The following GRTP1 variants were observed in gnomAD, a reference collection of about 807,000 sequenced individuals.
GRTP1 encodes the protein growth hormone regulated TBC protein 1.
Under a neutral mutation model 38.1 loss-of-function variants are expected in GRTP1, and 56 were observed. The ratio of observed to expected loss-of-function variants is 1.47; its 90% confidence interval spans 1.19 to 1.84. The LOEUF (loss-of-function observed/expected upper bound fraction) is 1.84, where lower values mean the gene tolerates loss of function less well. GRTP1 is among the 40% of genes most tolerant of loss of function. The pLI, the probability that GRTP1 is intolerant of heterozygous loss-of-function variation, is 0.00. For missense variants in GRTP1, 506 were observed against 453.9 expected (o/e 1.11, Z -1.04); for synonymous variants, 217 against 189.5 (o/e 1.14, Z -1.19).
At position 113,343,449 on chromosome 13, in the gene GRTP1, A is replaced by G. The variant is rs552492569; in HGVS notation, c.562+1414T>C. On this transcript the variant is annotated intron_variant, in intron 5 of 7. Transcript: ENST00000375431. This position sits in a 1 kb window ranked among gnomAD's most constrained non-coding sequence, Gnocchi z 4.8. ...CGTCAGGCTGGTCTCTGGCATCCTC[A>G]TTTCTGCGCCCTTGGGTTGAGGGTG... Among the ~76,000 whole-genome samples the G allele has an allele frequency of 6.6e-6, 1 of 152,072 alleles. No individual in the cohort carries two copies. The highest frequency in any genetic ancestry group is 6.5e-5 in the Admixed American group (1 of 15,284).
Position 113,348,466 on chromosome 13 carries a change from C to T in GRTP1, c.465+2383G>A, listed in dbSNP as rs570316089. ...ACCGTGTGCACTGTGTAACTCTACACATATGCCACACATTGAACTGTGTTG... is the reference window on the plus strand; with the variant it reads ...ACCGTGTGCACTGTGTAACTCTACATATATGCCACACATTGAACTGTGTTG... On this transcript the variant is annotated intron_variant, in intron 4 of 7. Transcript: ENST00000375431. The surrounding 1 kb of genome is among the most constrained non-coding windows in gnomAD (Gnocchi z 4.8). 4.6e-5 allele frequency among the ~76,000 whole-genome samples: 7 copies of T among 152,242 alleles called. No homozygotes were observed. Among genetic ancestry groups the T allele is most frequent in the Admixed American group, 4.6e-4 (7 of 15,294 alleles).
chr13:113,325,324 GAGTCT>G, intron 7 of GRTP1: 1 of 1,389,164 alleles, frequency 7.2e-7, no homozygotes, highest in South Asian at 1.8e-5. Context: ...ATCAGGACCT[GAGTCT>G]ATACGGCCTG....
At chr13:113,340,474 G>T (rs996278733) in intron 5 of GRTP1, among the ~76,000 whole-genome samples, 1 of 151,684 alleles carries the variant, frequency 6.6e-6, no homozygotes, top group African/African-American at 2.4e-5. Flanking sequence ...CTGAGACCCT[G>T]TCTCTAAAAA....
chr13:113,325,013 A>G (rs1421108469), intron 7 of GRTP1: 1 of 681,810 alleles, frequency 1.5e-6, no homozygotes, highest in Non-Finnish European at 1.8e-6. Context: ...ATTTTTTAGT[A>G]GAGACGGGGT....
rs148726821 is a variant in GRTP1, at chr13:113,326,705, AAG to A, written c.563-616_563-615del. ...AACAAACAAAAATCTGCAGGTGGAA[AAG>A]AGAGTCCCAAGGAGGTGCAGGCACC... On this transcript the variant is annotated intron_variant, in intron 5 of 7. Transcript: ENST00000375431. 4.6e-3 allele frequency among the ~76,000 whole-genome samples: 701 copies of A among 152,242 alleles called. 5 individuals are homozygous for A. Among genetic ancestry groups the A allele is most frequent in the Non-Finnish European group, 7.8e-3 (533 of 68,000 alleles).
chr13:113,333,847 G>A (rs1283054230), intron 5 of GRTP1, among the ~76,000 whole-genome samples: 105 of 117,238 alleles, frequency 9.0e-4, no homozygotes, highest in African/African-American at 3.3e-3. Flanking sequence ...TAGTGTGTGT[G>A]TGTGTGTGTG....
chr13:113,359,330 A>C (rs9549750), intron 2 of GRTP1, among the ~76,000 whole-genome samples: 21,068 of 152,268 alleles, frequency 0.14, 1,626 homozygotes, highest in African/African-American at 0.18. Context: ...TATACTGTTA[A>C]GAGTGAATTT....
intron 2 of GRTP1, among the ~76,000 whole-genome samples, chr13:113,361,109 C>CAA (rs57785391): frequency 1.4e-4 from 13 of 92,926 alleles, no homozygotes; most frequent in African/African-American, 4.5e-4. Flanking sequence ...GACTTTGACT[C>CAA]AAAAAAAAAA....
At chr13:113,327,588 A>G (rs542774685) in intron 5 of GRTP1, among the ~76,000 whole-genome samples, 1 of 152,240 alleles carries the variant, frequency 6.6e-6, no homozygotes, top group Non-Finnish European at 1.5e-5. Context: ...AGTCGGTTTA[A>G]TAGTAAATAC....
At chr13:113,328,305 C>T (rs987368778) in intron 5 of GRTP1, among the ~76,000 whole-genome samples, 1 of 152,220 alleles carries the variant, frequency 6.6e-6, no homozygotes, top group South Asian at 2.1e-4. Context: ...CCCCTGCACA[C>T]CCCTCAGGGT....
chr13:113,341,754 C>T (rs2043029132), intron 5 of GRTP1, among the ~76,000 whole-genome samples: 2 of 152,164 alleles, frequency 1.3e-5, no homozygotes, highest in South Asian at 4.1e-4. Context: ...CTGATGATAA[C>T]AGTTACCTCT....
In GRTP1 at chr13:113,343,356, C is replaced by T. The variant is rs2043052127; in HGVS notation, c.562+1507G>A. Among the ~76,000 whole-genome samples, 1 of 152,150 alleles carries T rather than the reference C, an allele frequency of 6.6e-6. No individual in the cohort carries two copies. Among genetic ancestry groups the T allele is most frequent in the Non-Finnish European group, 1.5e-5 (1 of 68,028 alleles). ...CTGCTGCTGCACTGGGTCCCTGGGC[C>T]CCAGCCGGGTCAACAGCTCTTCCCA... is the stretch of plus-strand genomic sequence containing the variant. On this transcript the variant is annotated intron_variant, in intron 5 of 7. Coordinates refer to ENST00000375431, the MANE Select transcript of GRTP1 (RefSeq NM_024719.4). This position sits in a 1 kb window ranked among gnomAD's most constrained non-coding sequence, Gnocchi z 4.8.
rs2043062569 is a variant in GRTP1 at position 113,343,987 on chromosome 13, T to C, written c.562+876A>G. ...GCCTTCACCATAACCCGTGGATAAC[T>C]TATCCACTAATAAATACACTTTAAT... is the stretch of plus-strand genomic sequence containing the variant. On this transcript the variant is annotated intron_variant, in intron 5 of 7. Transcript: ENST00000375431. The surrounding 1 kb of genome is among the most constrained non-coding windows in gnomAD (Gnocchi z 4.8). Among the ~76,000 whole-genome samples, 1 of 152,166 alleles carries C rather than the reference T, an allele frequency of 6.6e-6. No individual in the cohort carries two copies. Among genetic ancestry groups the C allele is most frequent in the African/African-American group, 2.4e-5 (1 of 41,434 alleles).
intron 3 of GRTP1, chr13:113,351,731 C>G (rs1456516844): frequency 6.6e-6 from 1 of 152,304 alleles, no homozygotes; most frequent in African/African-American, 2.4e-5. Flanking sequence ...TGGACACAAG[C>G]CGAGCAGGAA....
chr13:113,330,623 C>G (rs1427331907), intron 5 of GRTP1, among the ~76,000 whole-genome samples: 1 of 34,826 alleles, frequency 2.9e-5, no homozygotes, highest in Non-Finnish European at 6.9e-5. Flanking sequence ...CAGGTGTGTG[C>G]ATGGGAGCCC....
At chr13:113,347,501 C>T (rs76156064) in intron 4 of GRTP1, among the ~76,000 whole-genome samples, 1,509 of 19,902 alleles carry the variant, frequency 0.076, 295 homozygotes, top group Middle Eastern at 0.28. Context: ...CCTCTGTGGC[C>T]GAGAGCGGAC....
intron 5 of GRTP1, among the ~76,000 whole-genome samples, chr13:113,341,143 C>T (rs1240130097): frequency 1.3e-5 from 2 of 151,318 alleles, no homozygotes; most frequent in Non-Finnish European, 2.9e-5. Flanking sequence ...TCTAAACTCA[C>T]GAATGCACCA....
intron 5 of GRTP1, among the ~76,000 whole-genome samples, chr13:113,338,789 C>T (rs903684803): frequency 1.3e-5 from 2 of 152,186 alleles, no homozygotes; most frequent in Non-Finnish European, 2.9e-5. Context: ...TCATGCTCAC[C>T]AGGGAGCTCA....
intron 2 of GRTP1, among the ~76,000 whole-genome samples, chr13:113,358,594 G>A (rs2043438379): frequency 6.6e-6 from 1 of 152,016 alleles, no homozygotes; most frequent in Non-Finnish European, 1.5e-5. Context: ...AGACAACGTG[G>A]TACTGAAAAA....
Sources: gnomAD v4.1 joint callset for allele counts (sites outside exome capture counted in the v4.1 genomes callset) on GRCh38, gnomAD v4.1.1 for gene constraint, Gnocchi (gnomAD v3.1) non-coding constraint, MANE v1.5 for transcripts, NCBI Gene and HGNC (gene_info 2026-07-23, HGNC 2026-07-21) for gene names.